PCDHGA9: variants seen among roughly 807,000 people sequenced by gnomAD.
The protein encoded by PCDHGA9 is protocadherin gamma-A9.
Under a neutral mutation model 62.5 loss-of-function variants are expected in PCDHGA9, and 37 were observed. The ratio of observed to expected loss-of-function variants is 0.59; its 90% confidence interval spans 0.46 to 0.78. The LOEUF (loss-of-function observed/expected upper bound fraction) is 0.78, where lower values mean the gene tolerates loss of function less well. PCDHGA9 is among the 30% of genes least tolerant of loss of function. The probability of loss-of-function intolerance (pLI) is 0.00; values close to 1 mark genes in which losing one functional copy is unlikely to be tolerated. For synonymous variants in PCDHGA9, 459 were observed against 484.6 expected, an observed-to-expected ratio of 0.95 and a Z score of 0.69; for missense variants, 1,138 against 1,166.2, an observed-to-expected ratio of 0.98 and a Z score of 0.35.
At position 141,403,354 on chromosome 5, in the gene PCDHGA9, G is replaced by A; in HGVS notation, c.402G>A (p.Gln134=). The part of the protein sequence containing the change: ...TDINDSAPKF[Q]AESLEVKINE... ...TTAACGACAGCGCCCCAAAGTTCCA[G>A]GCCGAAAGTCTGGAAGTAAAAATTA... The change falls in exon 1 of 4, where the codon CAG becomes CAA. Residue 134 remains glutamine, a synonymous_variant. Transcript: ENST00000573521. 7 of 1,614,048 alleles carry A rather than the reference G, an allele frequency of 4.3e-6. No individual in the cohort carries two copies. Among genetic ancestry groups the A allele is most frequent in the Non-Finnish European group, 5.9e-6 (7 of 1,179,902 alleles).
intron 1 of PCDHGA9, among the ~76,000 whole-genome samples, chr5:141,453,779 C>T (rs138335951): frequency 0.013 from 2,000 of 152,278 alleles, 24 homozygotes; most frequent in Non-Finnish European, 0.021. Flanking sequence ...ATTTTAGTTA[C>T]CATGGTATAT....
At chr5:141,505,081 G>A (rs2099843521) in intron 2 of PCDHGA9, among the ~76,000 whole-genome samples, 3 of 152,146 alleles carry the variant, frequency 2.0e-5, no homozygotes, top group Admixed American at 2.0e-4. Flanking sequence ...AGAATCGCTT[G>A]AACCCAGGAG....
intron 1 of PCDHGA9, chr5:141,426,294 CAG>C (rs555591649): frequency 1.2e-4 from 20 of 167,070 alleles, no homozygotes; most frequent in African/African-American, 4.5e-4. Context: ...GGATGGGAAA[CAG>C]GGTGAAGCAG....
intron 1 of PCDHGA9, chr5:141,409,789 G>T: frequency 6.2e-7 from 1 of 1,612,036 alleles, no homozygotes; most frequent in Non-Finnish European, 8.5e-7. Context: ...GCGCCTTCGC[G>T]CTCACGCTGC....
chr5:141,497,986 G>T (rs1404550601), intron 2 of PCDHGA9, among the ~76,000 whole-genome samples: 1 of 152,176 alleles, frequency 6.6e-6, no homozygotes, highest in Non-Finnish European at 1.5e-5. Context: ...GGAGGCCCCT[G>T]CCCTCAAGGA....
chr5:141,429,390 A>T (rs556289214), intron 1 of PCDHGA9, among the ~76,000 whole-genome samples: 3,394 of 150,296 alleles, frequency 0.023, 54 homozygotes, highest in South Asian at 0.043. Context: ...TTTTTTTTAA[A>T]AAAAATTGAG....
rs192631651 is a variant in PCDHGA9 at position 141,432,052 on chromosome 5, C to T, written c.2424+26676C>T. On this transcript the variant is annotated intron_variant, in intron 1 of 3. Transcript: ENST00000573521. This position sits in a 1 kb window ranked among gnomAD's most constrained non-coding sequence, Gnocchi z 6.0. ...CCGCCACTGACCGGGGAACCCCGCC[C>T]CTATCCACGGAAACTCATATCTCGC... is the stretch of plus-strand genomic sequence containing the variant. The T allele has an allele frequency of 1.2e-6, 2 of 1,614,108 alleles. No individual in the cohort carries two copies. The highest frequency in any genetic ancestry group is 1.3e-5 in the African/African-American group (1 of 74,930).
At chr5:141,458,820 C>T (rs2098954225) in intron 1 of PCDHGA9, among the ~76,000 whole-genome samples, 1 of 152,070 alleles carries the variant, frequency 6.6e-6, no homozygotes, top group African/African-American at 2.4e-5. Flanking sequence ...GCAACCTCTG[C>T]CTCCCAGGCT....
At chr5:141,495,095 G>C (rs67264863) in intron 2 of PCDHGA9, among the ~76,000 whole-genome samples, 9,751 of 152,126 alleles carry the variant, frequency 0.064, 363 homozygotes, top group South Asian at 0.11. Context: ...TTCCCTCCTC[G>C]CCACGACCGG....
At chr5:141,460,961 A>ATATGTGTG (rs1463306338) in intron 1 of PCDHGA9, among the ~76,000 whole-genome samples, 3 of 144,556 alleles carry the variant, frequency 2.1e-5, no homozygotes, top group African/African-American at 7.8e-5. Context: ...GTATATATAT[A>ATATGTGTG]TGTGTGTGTG....
At chr5:141,428,100 G>A (rs1313410784) in intron 1 of PCDHGA9, 6 of 1,608,582 alleles carry the variant, frequency 3.7e-6, no homozygotes, top group East Asian at 2.2e-5. Context: ...GTCCTACCAC[G>A]TGCTGCAGGC....
At position 141,478,208 on chromosome 5, in the gene PCDHGA9, C is replaced by G. The variant is rs200735608; in HGVS notation, c.2425-16599C>G. The G allele has an allele frequency of 2.5e-6, 4 of 1,614,096 alleles. No individual in the cohort carries two copies. The East Asian group carries it at 8.9e-5, about 36-fold the overall frequency. ...TCTCACCTTTTATCTACTTCTTTCTCTAATCCTGGTTTCTGTGGGGTTTGT... is the reference window on the plus strand; with the variant it reads ...TCTCACCTTTTATCTACTTCTTTCTGTAATCCTGGTTTCTGTGGGGTTTGT... On this transcript the variant is annotated intron_variant, in intron 1 of 3. Coordinates refer to ENST00000573521, the MANE Select transcript of PCDHGA9 (RefSeq NM_018921.3).
At chr5:141,505,852 G>A (rs2099848673) in intron 3 of PCDHGA9, among the ~76,000 whole-genome samples, 1 of 152,140 alleles carries the variant, frequency 6.6e-6, no homozygotes, top group African/African-American at 2.4e-5. Context: ...TAGAAAGTGG[G>A]GACAGGGACC....
Position 141,477,749 on chromosome 5 carries a change from C to T in PCDHGA9, c.2425-17058C>T. The stretch of plus-strand genomic sequence containing the variant: ...AGCTCATATCAGCGATGGGGGCACC[C>T]CGGTCCTAGCCACCAACATCAGCGT... On this transcript the variant is annotated intron_variant, in intron 1 of 3. Transcript: ENST00000573521. The surrounding 1 kb of genome is among the most constrained non-coding windows in gnomAD (Gnocchi z 4.9). 1 of 1,613,904 alleles carries T rather than the reference C, an allele frequency of 6.2e-7. No homozygotes were observed. Among genetic ancestry groups the T allele is most frequent in the Non-Finnish European group, 8.5e-7 (1 of 1,180,030 alleles).
chr5:141,420,918 C>T (rs2096532512), intron 1 of PCDHGA9: 1 of 331,946 alleles, frequency 3.0e-6, no homozygotes, highest in South Asian at 6.4e-5. Flanking sequence ...GTGTGATTCA[C>T]AAAGGTGAGC....
At chr5:141,414,888 C>T (rs1452402953) in intron 1 of PCDHGA9, 2 of 1,614,210 alleles carry the variant, frequency 1.2e-6, no homozygotes, top group Non-Finnish European at 1.7e-6. Flanking sequence ...ACCCCGCCCT[C>T]CCCACAGACG....
chr5:141,414,427 C>G lies in PCDHGA9; in HGVS notation c.2424+9051C>G, dbSNP rs766147938. The G allele has an allele frequency of 6.2e-6, 10 of 1,613,684 alleles. No individual in the cohort carries two copies. The highest frequency in any genetic ancestry group is 1.6e-4 in the Middle Eastern group (1 of 6,084). On this transcript the variant is annotated intron_variant, in intron 1 of 3. Coordinates refer to ENST00000573521, the MANE Select transcript of PCDHGA9 (RefSeq NM_018921.3). ...GATACACAGAGCCCTTGACAGGGAA[C>G]AGGTATCCTCTTACAATATCACAGT... is the stretch of plus-strand genomic sequence containing the variant.
rs750216656 is a variant in PCDHGA9 at position 141,422,121 on chromosome 5, A to G, written c.2424+16745A>G. 4.4e-6 allele frequency: 7 copies of G among 1,602,838 alleles called. No individual in the cohort carries two copies. In the Admixed American group the frequency reaches 8.8e-5, roughly 20 times the overall value. On this transcript the variant is annotated intron_variant, in intron 1 of 3. Coordinates refer to ENST00000573521, the MANE Select transcript of PCDHGA9 (RefSeq NM_018921.3). ...CTGAAATATTCCAATTGGATTCACA[A>G]ACTGGAGAAGTTCAAGTACGGGGGT...
chr5:141,409,761 T>A, intron 1 of PCDHGA9: 1 of 1,612,966 alleles, frequency 6.2e-7, no homozygotes, highest in Non-Finnish European at 8.5e-7. Context: ...CAGCGCGCCT[T>A]TGATCACGAG....
Sources: allele counts gnomAD v4.1 joint callset (sites outside exome capture counted in the v4.1 genomes callset), GRCh38; gene constraint gnomAD v4.1.1; non-coding constraint Gnocchi (gnomAD v3.1); transcripts MANE v1.5; gene names NCBI Gene and HGNC (gene_info 2026-07-23, HGNC 2026-07-21).